Variants in CSMD1 observed in about 807,000 individuals in gnomAD.
The protein encoded by CSMD1 is CUB and Sushi multiple domains 1.
CSMD1 carries 213 observed loss-of-function variants against 417.5 expected under a neutral mutation model. The ratio of observed to expected loss-of-function variants is 0.51; its 90% CI spans 0.46 to 0.57. CSMD1 has a LOEUF of 0.57. Ranked by LOEUF, CSMD1 falls within the 20% of genes least tolerant of loss-of-function variation. The probability of loss-of-function intolerance (pLI) is 0.00; values close to 1 mark genes in which losing one functional copy is unlikely to be tolerated. For missense variants in CSMD1, 6,923 were observed against 4,529.7 expected (o/e 1.53, Z -15.17); for synonymous variants, 2,862 against 1,736.8 (o/e 1.65, Z -16.11).
At chr8:4,918,602 A>C (rs182633201) in intron 1 of CSMD1, among the ~76,000 whole-genome samples, 1 of 152,350 alleles carries the variant, frequency 6.6e-6, no homozygotes, top group East Asian at 1.9e-4. Context: ...CACAAAGCTG[A>C]AAAGTGATAG....
chr8:3,056,987 A>G (rs933552345), intron 49 of CSMD1, among the ~76,000 whole-genome samples: 1 of 152,158 alleles, frequency 6.6e-6, no homozygotes, highest in Non-Finnish European at 1.5e-5. Context: ...TGTTGGGCCA[A>G]GAAATAACAG....
chr8:4,356,122 C>G (rs933336429), intron 3 of CSMD1, among the ~76,000 whole-genome samples: 3 of 152,182 alleles, frequency 2.0e-5, no homozygotes, highest in African/African-American at 7.2e-5. Flanking sequence ...GTCTTCCCCT[C>G]AAGTTCCCAA....
At chr8:3,124,590 T>C (rs1817389691) in intron 41 of CSMD1, among the ~76,000 whole-genome samples, 1 of 152,162 alleles carries the variant, frequency 6.6e-6, no homozygotes, top group African/African-American at 2.4e-5. Context: ...AGAAGAGAGA[T>C]GACCTCTGCA....
chr8:2,978,073 G>C (rs529902849), intron 55 of CSMD1, among the ~76,000 whole-genome samples: 1 of 152,190 alleles, frequency 6.6e-6, no homozygotes, highest in Non-Finnish European at 1.5e-5. Flanking sequence ...CCCACTACTG[G>C]GTATATACTC....
chr8:4,859,468 C>A (rs1291110229), intron 1 of CSMD1, among the ~76,000 whole-genome samples: 2 of 152,138 alleles, frequency 1.3e-5, no homozygotes, highest in African/African-American at 4.8e-5. Flanking sequence ...TCAGAGTGAA[C>A]AGGCAACCTA....
intron 23 of CSMD1, among the ~76,000 whole-genome samples, chr8:3,323,920 G>C (rs1266502016): frequency 1.4e-5 from 2 of 139,524 alleles, no homozygotes. Context: ...TGTTAAAATA[G>C]ACACACATCT....
At chr8:3,923,245 C>A (rs537507825) in intron 5 of CSMD1, among the ~76,000 whole-genome samples, 2 of 152,258 alleles carry the variant, frequency 1.3e-5, no homozygotes, top group African/African-American at 4.8e-5. Context: ...GGTGAATCTT[C>A]CAGAGTCTGG....
chr8:4,173,350 A>G (rs961435429), intron 3 of CSMD1, among the ~76,000 whole-genome samples: 9 of 152,132 alleles, frequency 5.9e-5, no homozygotes, highest in African/African-American at 2.2e-4. Context: ...GATATTCAGT[A>G]TGTGGTGATG....
At chr8:4,566,604 G>C (rs767477086) in intron 2 of CSMD1, among the ~76,000 whole-genome samples, 6 of 128,458 alleles carry the variant, frequency 4.7e-5, no homozygotes, top group Admixed American at 2.9e-4. Flanking sequence ...AGTGAGCTGA[G>C]ATCGCACCAC....
chr8:4,831,258 G>A (rs186498750), intron 1 of CSMD1, among the ~76,000 whole-genome samples: 3 of 152,272 alleles, frequency 2.0e-5, no homozygotes, highest in Non-Finnish European at 1.5e-5. Context: ...GCATATTGTA[G>A]GTTTGACTGG....
chr8:3,244,157 G>T (rs1272216333), intron 26 of CSMD1, among the ~76,000 whole-genome samples: 1 of 152,190 alleles, frequency 6.6e-6, no homozygotes, highest in Non-Finnish European at 1.5e-5. Flanking sequence ...AAAGCTGTTG[G>T]GTTCGAAATC....
intron 3 of CSMD1, among the ~76,000 whole-genome samples, chr8:4,204,936 A>G (rs375368409): frequency 6.6e-6 from 1 of 152,194 alleles, no homozygotes; most frequent in Non-Finnish European, 1.5e-5. Flanking sequence ...CTGGGATTAC[A>G]AATGTGAGCC....
At chr8:4,292,357 T>A (rs1394715650) in intron 3 of CSMD1, among the ~76,000 whole-genome samples, 2 of 151,854 alleles carry the variant, frequency 1.3e-5, no homozygotes, top group Non-Finnish European at 1.5e-5. Context: ...GGTTCACGCC[T>A]TTCTCCTGCC....
intron 1 of CSMD1, among the ~76,000 whole-genome samples, chr8:4,947,643 A>C (rs1295221938): frequency 6.6e-6 from 1 of 152,124 alleles, no homozygotes; most frequent in Non-Finnish European, 1.5e-5. Flanking sequence ...CCAGTGACAG[A>C]TAACCACTTA....
At chr8:3,961,805 C>T (rs1021868685) in intron 5 of CSMD1, among the ~76,000 whole-genome samples, 1 of 152,124 alleles carries the variant, frequency 6.6e-6, no homozygotes, top group Non-Finnish European at 1.5e-5. Flanking sequence ...TTTAATATTT[C>T]CCGCTAGAAA....
chr8:3,210,858 T>G (rs1005744895), intron 30 of CSMD1, among the ~76,000 whole-genome samples: 6 of 152,082 alleles, frequency 3.9e-5, no homozygotes, highest in African/African-American at 7.2e-5. Flanking sequence ...AAATGCCTTT[T>G]GTATTATTAG....
chr8:3,061,152 G>T (rs962604433), intron 49 of CSMD1, among the ~76,000 whole-genome samples: 9 of 152,138 alleles, frequency 5.9e-5, no homozygotes, highest in Admixed American at 5.9e-4. Context: ...TTATGACTCG[G>T]ACAATGTATA....
At chr8:3,508,394 T>C (rs1389803817) in intron 10 of CSMD1, among the ~76,000 whole-genome samples, 2 of 151,736 alleles carry the variant, frequency 1.3e-5, no homozygotes, top group African/African-American at 4.8e-5. Context: ...CATTAGGAGA[T>C]ATACCTAATG....
intron 9 of CSMD1, among the ~76,000 whole-genome samples, chr8:3,579,087 A>C (rs1037629254): frequency 6.6e-6 from 1 of 152,194 alleles, no homozygotes. Flanking sequence ...TGTACACCTG[A>C]TGTTACTTGC....
Sources: gnomAD v4.1 joint callset for allele counts (sites outside exome capture counted in the v4.1 genomes callset) on GRCh38, gnomAD v4.1.1 for gene constraint, MANE v1.5 for transcripts, NCBI Gene and HGNC (gene_info 2026-07-23, HGNC 2026-07-21) for gene names.